CRPPA: variants seen among roughly 807,000 people sequenced by gnomAD.
CRPPA encodes the protein D-ribitol-5-phosphate cytidylyltransferase.
In CRPPA, 43 loss-of-function variants were observed where a neutral mutation model predicts 52.0. That is an observed-to-expected ratio of 0.83 (90% CI 0.65 to 1.07). The LOEUF (loss-of-function observed/expected upper bound fraction) is 1.07, where lower values mean the gene tolerates loss of function less well. CRPPA is among the 50% of genes least tolerant of loss of function. CRPPA has a pLI of 0.00. For missense variants in CRPPA, 629 were observed against 551.7 expected, an observed-to-expected ratio of 1.14 and a Z score of -1.40; for synonymous variants, 250 against 203.5, an observed-to-expected ratio of 1.23 and a Z score of -1.94.
chr7:16,329,982 T>G (rs1008699542), intron 3 of CRPPA, among the ~76,000 whole-genome samples: 9 of 152,196 alleles, frequency 5.9e-5, no homozygotes, highest in African/African-American at 2.2e-4. Context: ...AAAAGGTAAA[T>G]CTAAGTAACT....
chr7:16,273,350 A>G (rs2128416597), intron 6 of CRPPA, among the ~76,000 whole-genome samples: 1 of 152,130 alleles, frequency 6.6e-6, no homozygotes, highest in South Asian at 2.1e-4. Flanking sequence ...CTCCACTAGC[A>G]GAGTGATGGC....
intron 9 of CRPPA, among the ~76,000 whole-genome samples, chr7:16,181,258 AG>A (rs1472416258): frequency 6.6e-6 from 1 of 151,952 alleles, no homozygotes; most frequent in African/African-American, 2.4e-5. Context: ...TAGGACTTTT[AG>A]GAAAAAAATT....
In CRPPA at chr7:16,420,728, C is replaced by G. The variant is rs555286529; in HGVS notation, c.257+338G>C. Among the ~76,000 whole-genome samples, 12 of 152,312 alleles carry G rather than the reference C, an allele frequency of 7.9e-5. No individual in the cohort carries two copies. In the South Asian group the frequency reaches 2.5e-3, roughly 32 times the overall value. On this transcript the variant is annotated intron_variant, in intron 1 of 9. Coordinates refer to ENST00000407010, the MANE Select transcript of CRPPA (RefSeq NM_001101426.4). ...CAGAGCCCCAGGACCGCGAGACTAT[C>G]CGCACAGCTTCTCCTCAGGCCCCAC... is the stretch of plus-strand genomic sequence containing the variant.
At chr7:16,144,693 G>A (rs115603997) in intron 9 of CRPPA, among the ~76,000 whole-genome samples, 2,064 of 152,216 alleles carry the variant, frequency 0.014, 51 homozygotes, top group African/African-American at 0.048. Flanking sequence ...CCCACAAATT[G>A]TGTTTGCTCC....
intron 5 of CRPPA, among the ~76,000 whole-genome samples, chr7:16,293,814 G>A (rs1168149003): frequency 2.6e-5 from 4 of 151,958 alleles, no homozygotes; most frequent in African/African-American, 4.8e-5. Flanking sequence ...GTGAGTCACT[G>A]AATATAGGAT....
chr7:16,407,414 C>T (rs1178436841), intron 1 of CRPPA, among the ~76,000 whole-genome samples: 1 of 152,204 alleles, frequency 6.6e-6, no homozygotes, highest in Non-Finnish European at 1.5e-5. Flanking sequence ...ACTGTAGAGT[C>T]AATATACCAC....
chr7:16,215,237 C>A (rs1345431593), intron 9 of CRPPA, among the ~76,000 whole-genome samples: 1 of 152,124 alleles, frequency 6.6e-6, no homozygotes, highest in East Asian at 1.9e-4. Flanking sequence ...CTTTTGAGAC[C>A]ACTAAAAATA....
At chr7:16,189,758 G>A (rs1781570975) in intron 9 of CRPPA, among the ~76,000 whole-genome samples, 1 of 152,162 alleles carries the variant, frequency 6.6e-6, no homozygotes. Flanking sequence ...AGTAATCACA[G>A]AGGAATAGTT....
chr7:16,206,823 C>T (rs1485446987), intron 9 of CRPPA, among the ~76,000 whole-genome samples: 1 of 152,072 alleles, frequency 6.6e-6, no homozygotes, highest in African/African-American at 2.4e-5. Flanking sequence ...AAAGGAATTA[C>T]TGTAGATATG....
intron 8 of CRPPA, among the ~76,000 whole-genome samples, chr7:16,247,353 TATTA>T (rs1783304144): frequency 6.6e-6 from 1 of 152,194 alleles, no homozygotes; most frequent in Non-Finnish European, 1.5e-5. Flanking sequence ...ATTGTAGGGT[TATTA>T]ATTGGCCTGA....
In CRPPA at chr7:16,170,362, C is replaced by T. The variant is rs192877573; in HGVS notation, c.1251+45704G>A. On this transcript the variant is annotated intron_variant, in intron 9 of 9. Coordinates refer to ENST00000407010, the MANE Select transcript of CRPPA (RefSeq NM_001101426.4). ...TTGCAAGAATTAAGCCGCAGACCCT[C>T]GCGGTGAGTGTTACAGTTCTTAAAG... Among the ~76,000 whole-genome samples the T allele has an allele frequency of 2.4e-3, 360 of 152,274 alleles. 1 individual carries two copies. Among genetic ancestry groups the T allele is most frequent in the Non-Finnish European group, 3.0e-3 (202 of 68,026 alleles).
intron 8 of CRPPA, among the ~76,000 whole-genome samples, chr7:16,253,317 T>A (rs1002544282): frequency 2.0e-5 from 3 of 152,238 alleles, no homozygotes; most frequent in South Asian, 2.1e-4. Flanking sequence ...TTTGTTCTCA[T>A]TGATTTCAAA....
Position 16,281,024 on chromosome 7 carries a change from GA to G in CRPPA, c.836-2799del, listed in dbSNP as rs201285033. On this transcript the variant is annotated intron_variant, in intron 5 of 9. Coordinates refer to ENST00000407010, the MANE Select transcript of CRPPA (RefSeq NM_001101426.4). ...GACGGAGTGAGACTCTGTTTCAAGG[GA>G]AAAAAAAATCTATTTGGCATTTATC... 2.9e-4 allele frequency among the ~76,000 whole-genome samples: 44 copies of G among 150,924 alleles called. No individual in the cohort carries two copies. In the East Asian group the frequency reaches 6.6e-3, roughly 23 times the overall value.
intron 3 of CRPPA, among the ~76,000 whole-genome samples, chr7:16,338,658 T>G (rs1317667372): frequency 6.6e-6 from 1 of 152,186 alleles, no homozygotes; most frequent in Non-Finnish European, 1.5e-5. Flanking sequence ...TTTGATAACC[T>G]ATAGGAAATG....
chr7:16,408,180 G>A (rs938345014), intron 1 of CRPPA, among the ~76,000 whole-genome samples: 2 of 151,374 alleles, frequency 1.3e-5, no homozygotes, highest in African/African-American at 2.4e-5. Flanking sequence ...AGAACTTACA[G>A]ACATGAAACA....
intron 9 of CRPPA, among the ~76,000 whole-genome samples, chr7:16,197,446 T>G (rs1323470117): frequency 6.6e-6 from 1 of 152,052 alleles, no homozygotes; most frequent in African/African-American, 2.4e-5. Context: ...CAAGCGATCC[T>G]CTGGCCTCAG....
At chr7:16,234,019 T>C (rs1470258167) in intron 8 of CRPPA, among the ~76,000 whole-genome samples, 2 of 152,220 alleles carry the variant, frequency 1.3e-5, no homozygotes, top group East Asian at 3.9e-4. Context: ...GTTTACTATA[T>C]AATCCAAATA....
In CRPPA at chr7:16,421,272, G is replaced by A; in HGVS notation, c.51C>T (p.Cys17=). The A allele has an allele frequency of 7.7e-7, 1 of 1,290,894 alleles. No individual in the cohort carries two copies. The highest frequency in any genetic ancestry group is 9.9e-7 in the Non-Finnish European group (1 of 1,012,812). 80.0% of individuals were successfully genotyped at this position (1,290,894 alleles called of 1,614,324 possible). The change falls in exon 1 of 10, where the codon TGC becomes TGT. Residue 17 remains cysteine, a synonymous_variant. Coordinates refer to ENST00000407010, the MANE Select transcript of CRPPA (RefSeq NM_001101426.4). ...GSARPAEPGP[C]LSGQRGADHT... Reference sequence around the variant, plus strand: ...GGTCCGCGCCGCGCTGACCACTCAGGCAAGGACCCGGCTCCGCCGGCCTGG... The same window carrying A: ...GGTCCGCGCCGCGCTGACCACTCAGACAAGGACCCGGCTCCGCCGGCCTGG...
Position 16,191,671 on chromosome 7 carries a change from G to A in CRPPA, c.1251+24395C>T, listed in dbSNP as rs1050308684. Among the ~76,000 whole-genome samples the A allele has an allele frequency of 4.6e-5, 7 of 152,178 alleles. No homozygotes were observed. The East Asian group carries it at 5.8e-4, about 13-fold the overall frequency. Reference sequence around the variant, plus strand: ...ATATTGGACTTTGAGGCTTTGTACCGGTTGCTTCCTTTAGTGAAATGTGCT... The same window carrying A: ...ATATTGGACTTTGAGGCTTTGTACCAGTTGCTTCCTTTAGTGAAATGTGCT... On this transcript the variant is annotated intron_variant, in intron 9 of 9. Transcript: ENST00000407010.
Sources: allele counts gnomAD v4.1 joint callset (sites outside exome capture counted in the v4.1 genomes callset), GRCh38; gene constraint gnomAD v4.1.1; transcripts MANE v1.5; gene names NCBI Gene and HGNC (gene_info 2026-07-23, HGNC 2026-07-21).